EFCAB6: variants seen among roughly 807,000 people sequenced by gnomAD.
EFCAB6 encodes the protein EF-hand calcium-binding domain-containing protein 6.
A neutral mutation model predicts 169.8 loss-of-function variants in EFCAB6; 156 were observed. The ratio of observed to expected loss-of-function variants is 0.92; its 90% CI spans 0.81 to 1.05. EFCAB6 has a LOEUF of 1.05. Among genes scored for constraint, EFCAB6 ranks in the 50% least tolerant of loss-of-function variants. The pLI, the probability that EFCAB6 is intolerant of heterozygous loss-of-function variation, is 0.00. For synonymous variants in EFCAB6, 698 were observed against 676.4 expected, an observed-to-expected ratio of 1.03 and a Z score of -0.50; for missense variants, 1,800 against 1,829.1, an observed-to-expected ratio of 0.98 and a Z score of 0.29.
chr22:43,608,035 T>C (rs575924317), intron 22 of EFCAB6, among the ~76,000 whole-genome samples: 1 of 152,348 alleles, frequency 6.6e-6, no homozygotes, highest in East Asian at 1.9e-4. Flanking sequence ...TTCCCACAAA[T>C]TACTTACCTA....
intron 8 of EFCAB6, among the ~76,000 whole-genome samples, chr22:43,719,762 G>A (rs905164143): frequency 6.6e-6 from 1 of 152,186 alleles, no homozygotes; most frequent in African/African-American, 2.4e-5. Context: ...ACCTGGATTA[G>A]ATGAGCTGAT....
chr22:43,612,897 T>TA lies in EFCAB6; in HGVS notation c.2562+2928dup, dbSNP rs766200489. On this transcript the variant is annotated intron_variant, in intron 21 of 31. Coordinates refer to ENST00000262726, the MANE Select transcript of EFCAB6 (RefSeq NM_022785.4). ...AGACAGAGTGAGACTCCATCTCAAT[T>TA]AAAAAAAAAAAAAAAGTAAAAAAAA... is the stretch of plus-strand genomic sequence containing the variant. Among the ~76,000 whole-genome samples, 204 of 121,002 alleles carry TA rather than the reference T, an allele frequency of 1.7e-3. 1 individual carries two copies. The highest frequency in any genetic ancestry group is 4.1e-3 in the South Asian group (15 of 3,686). 79.4% of individuals were successfully genotyped at this position (121,002 alleles called of 152,430 possible). A position where few individuals can be genotyped will look rare whatever the true frequency, so the allele number is the denominator to read the frequency against.
At chr22:43,743,540 G>A (rs2060446978) in intron 6 of EFCAB6, among the ~76,000 whole-genome samples, 1 of 152,212 alleles carries the variant, frequency 6.6e-6, no homozygotes, top group African/African-American at 2.4e-5. Flanking sequence ...ATATAGGTGT[G>A]TGGTGTGTGC....
At chr22:43,586,002 C>T (rs1184432816) in intron 24 of EFCAB6, among the ~76,000 whole-genome samples, 1 of 152,188 alleles carries the variant, frequency 6.6e-6, no homozygotes, top group Non-Finnish European at 1.5e-5. Flanking sequence ...CAGCCCTACC[C>T]TTCAAGAAAT....
intron 23 of EFCAB6, among the ~76,000 whole-genome samples, chr22:43,596,839 G>C (rs1031893113): frequency 2.0e-5 from 3 of 152,144 alleles, no homozygotes; most frequent in Non-Finnish European, 4.4e-5. Flanking sequence ...CACGCTACCT[G>C]ATTTCAAATT....
chr22:43,551,064 A>G (rs1170806678), intron 27 of EFCAB6, among the ~76,000 whole-genome samples: 1 of 152,242 alleles, frequency 6.6e-6, no homozygotes, highest in Non-Finnish European at 1.5e-5. Context: ...TTTATAATGT[A>G]GATAAACCAA....
chr22:43,657,769 TA>T (rs2056818618), intron 17 of EFCAB6, among the ~76,000 whole-genome samples: 1 of 152,112 alleles, frequency 6.6e-6, no homozygotes, highest in African/African-American at 2.4e-5. Context: ...TAATGAAATG[TA>T]AAATGCATAT....
intron 24 of EFCAB6, among the ~76,000 whole-genome samples, chr22:43,582,230 A>G (rs2050772169): frequency 6.6e-6 from 1 of 152,216 alleles, no homozygotes; most frequent in Non-Finnish European, 1.5e-5. Flanking sequence ...CATTGAATGC[A>G]TATGAATTCT....
chr22:43,807,154 G>A (rs2062951880), intron 2 of EFCAB6, among the ~76,000 whole-genome samples: 2 of 152,106 alleles, frequency 1.3e-5, no homozygotes, highest in Admixed American at 1.3e-4. Context: ...TGCTCTTGAT[G>A]GACCACAGTT....
intron 2 of EFCAB6, among the ~76,000 whole-genome samples, chr22:43,782,840 A>C (rs73174381): frequency 0.15 from 22,930 of 152,188 alleles, 1,763 homozygotes; most frequent in South Asian, 0.22. Context: ...GCTTACAGCA[A>C]TCTGGGGAGC....
chr22:43,767,364 A>G (rs1208898127), intron 4 of EFCAB6, among the ~76,000 whole-genome samples: 5 of 152,200 alleles, frequency 3.3e-5, no homozygotes, highest in African/African-American at 1.2e-4. Context: ...CTGATAATGC[A>G]TTTTTAAGTA....
At position 43,579,838 on chromosome 22, in the gene EFCAB6, C is replaced by T. The variant is rs114836749; in HGVS notation, c.3228+626G>A. On this transcript the variant is annotated intron_variant, in intron 25 of 31. Transcript: ENST00000262726. ...TCATTCCCTACACGCAGGCATCATT[C>T]TCTATATGCAGGCATTATTCCCTAC... 3.7e-3 allele frequency among the ~76,000 whole-genome samples: 564 copies of T among 151,290 alleles called. 3 individuals are homozygous for T. The highest frequency in any genetic ancestry group is 0.014 in the Middle Eastern group (4 of 294).
chr22:43,577,471 G>A (rs911986622), intron 25 of EFCAB6, among the ~76,000 whole-genome samples: 1 of 152,206 alleles, frequency 6.6e-6, no homozygotes, highest in African/African-American at 2.4e-5. Context: ...AGGTAGCTGT[G>A]TACAGTGGGA....
Position 43,540,368 on chromosome 22 carries a change from A to T in EFCAB6, c.3649-11T>A. 3.1e-6 allele frequency: 5 copies of T among 1,613,842 alleles called. No homozygotes were observed. Among genetic ancestry groups the T allele is most frequent in the Non-Finnish European group, 4.2e-6 (5 of 1,180,034 alleles). ...CCAGAGTCTGTCAAACTGGAGAAGG[A>T]GCAGAAGTCATTTCCCAGGTGTCAG... On this transcript the variant is annotated splice_polypyrimidine_tract_variant and intron_variant, in intron 27 of 31. Coordinates refer to ENST00000262726, the MANE Select transcript of EFCAB6 (RefSeq NM_022785.4).
intron 10 of EFCAB6, among the ~76,000 whole-genome samples, chr22:43,689,347 G>A (rs904509819): frequency 2.4e-5 from 1 of 41,234 alleles, no homozygotes; most frequent in African/African-American, 1.3e-4. Context: ...GGGAGAGCAC[G>A]TGCACACACA....
At chr22:43,792,388 G>A (rs2062328882) in intron 2 of EFCAB6, among the ~76,000 whole-genome samples, 2 of 152,200 alleles carry the variant, frequency 1.3e-5, no homozygotes, top group Non-Finnish European at 2.9e-5. Flanking sequence ...CACAAGTCAA[G>A]GGTGTGTGCA....
intron 7 of EFCAB6, among the ~76,000 whole-genome samples, chr22:43,732,436 ACT>A (rs2059987546): frequency 6.8e-6 from 1 of 147,804 alleles, no homozygotes; most frequent in African/African-American, 2.5e-5. Context: ...ACAGCGAACC[ACT>A]GTCTATTCCT....
intron 25 of EFCAB6, among the ~76,000 whole-genome samples, chr22:43,578,844 ATG>A: frequency 6.6e-6 from 1 of 151,082 alleles, no homozygotes; most frequent in African/African-American, 2.4e-5. Context: ...CATTCCGTAC[ATG>A]CAGGCATCAT....
At chr22:43,574,712 A>G (rs1417665187) in intron 26 of EFCAB6, among the ~76,000 whole-genome samples, 2 of 152,160 alleles carry the variant, frequency 1.3e-5, no homozygotes. Context: ...AAGACAAGCC[A>G]TGGACCAGCA....
Sources: gnomAD v4.1 joint callset for allele counts (sites outside exome capture counted in the v4.1 genomes callset) on GRCh38, gnomAD v4.1.1 for gene constraint, MANE v1.5 for transcripts, NCBI Gene and HGNC (gene_info 2026-07-23, HGNC 2026-07-21) for gene names.